Variants in KDM5C observed in about 807,000 individuals in gnomAD.
KDM5C encodes the protein lysine demethylase 5C.
A neutral mutation model predicts 110.6 loss-of-function variants in KDM5C; 16 were observed. The observed-to-expected ratio is 0.14, with a 90% CI of 0.10 to 0.22. KDM5C has a LOEUF of 0.22. KDM5C is among the 10% of genes least tolerant of loss of function. The probability of loss-of-function intolerance (pLI) is 1.00; values close to 1 mark genes in which losing one functional copy is unlikely to be tolerated. For missense variants in KDM5C, 681 were observed against 1,300.9 expected (o/e 0.52, Z 7.33); for synonymous variants, 511 against 520.4 (o/e 0.98, Z 0.24).
chrX:53,196,537 C>T (rs1382878922), intron 19 of KDM5C, 149 bp downstream of exon 19: 27 of 516,653 alleles, frequency 5.2e-5, no homozygotes, highest in Non-Finnish European at 7.6e-5. Context: ...TTTAAAAAAA[C>T]GACAAGATAG....
At chrX:53,201,503 C>T (rs1400993553) in intron 14 of KDM5C, 47 bp downstream of exon 14, 8 of 1,170,439 alleles carry the variant, frequency 6.8e-6, no homozygotes, top group East Asian at 3.0e-5. Context: ...TCTGCCTCCC[C>T]GAACTTCCAC....
Position 53,192,686 on chromosome X carries a change from C to A in KDM5C, c.*281G>T. 8.8e-7 allele frequency: 1 copy of A among 1,137,787 alleles called. No individual in the cohort carries two copies. The allele number at this position is 1,137,787 out of a possible 1,213,427, so 93.8% of individuals were successfully genotyped here. A position where few individuals can be genotyped will look rare whatever the true frequency, so the allele number is the denominator to read the frequency against. On this transcript the variant is annotated 3_prime_UTR_variant, in exon 26 of 26. Transcript: ENST00000375401. The stretch of plus-strand genomic sequence containing the variant: ...GTGATGGCCCAGCCCCAGCCACCCC[C>A]CTGCCCACCAGCCCATCCATCTATC...
intron 12 of KDM5C, among the ~76,000 whole-genome samples, chrX:53,203,019 C>T (rs988659503): frequency 9.1e-5 from 10 of 110,382 alleles, no homozygotes; most frequent in African/African-American, 2.6e-4. Context: ...GGGGTTTCAC[C>T]GTGGTCTCGA....
chrX:53,203,476 C>A (rs954220979), intron 12 of KDM5C, among the ~76,000 whole-genome samples: 3 of 111,434 alleles, frequency 2.7e-5, no homozygotes, highest in South Asian at 3.7e-4. Context: ...GAATATTGAA[C>A]CTCCTAGAAA....
rs1188427935 is a variant in KDM5C at position 53,193,071 on chromosome X, C to G, written c.4579G>C (p.Glu1527Gln). 1.7e-6 allele frequency: 2 copies of G among 1,206,396 alleles called. No homozygotes were observed. Among genetic ancestry groups the G allele is most frequent in the Admixed American group, 4.4e-5 (2 of 45,571 alleles). ...PSTQENQNGL[E>Q]PAEGTTSGPS... Reference sequence around the variant, plus strand: ...CCTGAAGTGGTCCCTTCCGCCGGTTCCAAGCCATTCTGGTTCTCCTGGGTG... The same window carrying G: ...CCTGAAGTGGTCCCTTCCGCCGGTTGCAAGCCATTCTGGTTCTCCTGGGTG... The change falls in exon 26 of 26, where the codon GAA (glutamate) becomes CAA (glutamine). Residue 1527 changes from glutamate (E) to glutamine (Q), a missense_variant. By Grantham distance (29) the Glu-to-Gln change is conservative. Transcript: ENST00000375401.
Position 53,192,873 on chromosome X carries a change from G to GCACC in KDM5C, c.*93_*94insGGTG. On this transcript the variant is annotated 3_prime_UTR_variant, in exon 26 of 26. Transcript: ENST00000375401. ...AGCAGGGATGGCCACCCCCCTACCC[G>GCACC]CCCACCCCCCAAGAAGCAGGCTTGA... is the stretch of plus-strand genomic sequence containing the variant. 4.3e-6 allele frequency: 1 copy of GCACC among 230,672 alleles called. No homozygotes were observed. The highest frequency in any genetic ancestry group is 6.3e-6 in the Non-Finnish European group (1 of 159,371). The allele number at this position is 230,672 out of a possible 1,213,427, so 19.0% of individuals were successfully genotyped here. A position where few individuals can be genotyped will look rare whatever the true frequency, so the allele number is the denominator to read the frequency against.
At chrX:53,177,274 G>A (rs972296724) in intron 25 of KDM5C, among the ~76,000 whole-genome samples, 1 of 111,863 alleles carries the variant, frequency 8.9e-6, no homozygotes, top group African/African-American at 3.2e-5. Flanking sequence ...CCAGCTACTC[G>A]GGAGGCTGAA....
In KDM5C at chrX:53,224,484, G is replaced by A. The variant is rs966990736; in HGVS notation, c.150+256C>T. ...CTGTGAACTCCCTCCGGCCCACTAG[G>A]AATCCCTGTCTTAAACCCGGAGTGA... On this transcript the variant is annotated intron_variant, in intron 1 of 25. Coordinates refer to ENST00000375401, the MANE Select transcript of KDM5C (RefSeq NM_004187.5). 4.5e-5 allele frequency among the ~76,000 whole-genome samples: 5 copies of A among 111,833 alleles called. No individual in the cohort carries two copies. In the Admixed American group the frequency reaches 4.7e-4, roughly 11 times the overall value.
At chrX:53,194,087 T>C in intron 23 of KDM5C, 52 bp downstream of exon 23, 1 of 1,172,797 alleles carries the variant, frequency 8.5e-7, no homozygotes. Context: ...TAAACTGGGG[T>C]AGGGGCTAGG....
downstream of KDM5C, chrX:53,191,688 G>A (rs1223797237): frequency 1.2e-5 from 2 of 172,993 alleles, no homozygotes; most frequent in African/African-American, 3.0e-5. Context: ...TAGGAAGAAC[G>A]AGATTCTATG....
intron 7 of KDM5C, among the ~76,000 whole-genome samples, chrX:53,215,473 T>G (rs945263578): frequency 5.4e-5 from 6 of 112,012 alleles, no homozygotes; most frequent in South Asian, 3.8e-4. Context: ...AGGTGGGCAG[T>G]GCTGGGGGAT....
chrX:53,214,929 T>C (rs1377187069), intron 7 of KDM5C, 82 bp from the exon 8 acceptor site: 9 of 1,053,645 alleles, frequency 8.5e-6, no homozygotes, highest in Non-Finnish European at 1.1e-5. Context: ...CTGTATAGGC[T>C]AGTCATGCTA....
chrX:53,183,542 T>C (rs1482267564), intron 25 of KDM5C, among the ~76,000 whole-genome samples: 1 of 109,750 alleles, frequency 9.1e-6, no homozygotes, highest in Non-Finnish European at 1.9e-5. Flanking sequence ...CCATATGAAT[T>C]TGAGGATCAG....
chrX:53,198,328 C>A (rs2073027821), intron 17 of KDM5C, among the ~76,000 whole-genome samples, 162 bp downstream of exon 17: 2 of 112,012 alleles, frequency 1.8e-5, no homozygotes, highest in Non-Finnish European at 1.9e-5. Flanking sequence ...TCTCCTTGTC[C>A]CCCCCAACAC....
chrX:53,200,240 C>G (rs782332382), intron 14 of KDM5C, among the ~76,000 whole-genome samples: 54 of 111,690 alleles, frequency 4.8e-4, no homozygotes, highest in Non-Finnish European at 9.4e-4. Context: ...AATTTTGACT[C>G]TAAAGCCAGA....
In KDM5C at chrX:53,193,839, G is replaced by C; in HGVS notation, c.4051C>G (p.Leu1351Val). Residue 1351 changes from leucine (L) to valine (V), a missense_variant, in exon 24 of 26, where the codon CTG becomes GTG. Leu to Val is a conservative substitution (Grantham distance 32). Around this residue, in one of 14 missense-constraint regions of KDM5C, gnomAD observed 88 missense variants for 85.6 expected, o/e 1.03. Transcript: ENST00000375401. ...GKDMPKVQGL[L>V]ENGDSVTSPE... is the part of the protein sequence containing the mutation. Reference sequence around the variant, plus strand: ...CTGGTCACACTGTCTCCATTCTCCAGTAAGCCCTGGACCTGCGGAGGAGAG... The same window carrying C: ...CTGGTCACACTGTCTCCATTCTCCACTAAGCCCTGGACCTGCGGAGGAGAG... 1 of 1,210,054 alleles carries C rather than the reference G, an allele frequency of 8.3e-7. No homozygotes were observed. Among genetic ancestry groups the C allele is most frequent in the African/African-American group, 1.7e-5 (1 of 57,722 alleles).
At chrX:53,178,041 T>C (rs1451159566) in intron 25 of KDM5C, among the ~76,000 whole-genome samples, 1 of 111,080 alleles carries the variant, frequency 9.0e-6, no homozygotes, top group East Asian at 2.8e-4. Flanking sequence ...TATTTTTTGT[T>C]GAGACAGGGT....
At chrX:53,190,506 T>G (rs1934372087), downstream of KDM5C, among the ~76,000 whole-genome samples, 1 of 112,132 alleles carries the variant, frequency 8.9e-6, no homozygotes, top group Non-Finnish European at 1.9e-5. Context: ...GGTAGTTAAG[T>G]GCTGAGATTG....
Position 53,186,237 on chromosome X carries a change from GGGA to G in KDM5C, c.4308+7197_4308+7199del, listed in dbSNP as rs1318115060. Among the ~76,000 whole-genome samples, 3 of 111,892 alleles carry G rather than the reference GGGA, an allele frequency of 2.7e-5. No individual in the cohort carries two copies. The East Asian group carries it at 8.4e-4, about 31-fold the overall frequency. On this transcript the variant is annotated intron_variant, in intron 25 of 25. Coordinates refer to the KDM5C transcript ENST00000685641. ...TCTACACAGTATAGATGGCATAAAG[GGGA>G]GGAGGACTACAGCTGAAGAGCAAGT...
Sources: gnomAD v4.1 joint callset for allele counts (sites outside exome capture counted in the v4.1 genomes callset) on GRCh38, gnomAD v4.1.1 for gene constraint, gnomAD v4.1.1 regional missense constraint, MANE v1.5 for transcripts, NCBI Gene and HGNC (gene_info 2026-07-23, HGNC 2026-07-21) for gene names.